ABCC6: variants seen among roughly 807,000 people sequenced by gnomAD.
The protein encoded by ABCC6 is ATP-binding cassette sub-family C member 6.
ABCC6 carries 126 observed loss-of-function variants against 169.5 expected under a neutral mutation model. The observed-to-expected ratio is 0.74, with a 90% CI of 0.64 to 0.86. ABCC6 has a LOEUF of 0.86. ABCC6 is among the 40% of genes least tolerant of loss of function. The pLI, the probability that ABCC6 is intolerant of heterozygous loss-of-function variation, is 0.00. For missense variants in ABCC6, 1,733 were observed against 1,927.2 expected (o/e 0.90, Z 1.89); for synonymous variants, 752 against 814.7 (o/e 0.92, Z 1.31).
intron 4 of ABCC6, among the ~76,000 whole-genome samples, chr16:16,217,737 C>T (rs1001090987): frequency 1.3e-5 from 2 of 152,142 alleles, no homozygotes; most frequent in African/African-American, 4.8e-5. Context: ...CCCACCATTT[C>T]AGAAATTACT....
chr16:16,150,743 G>T lies in ABCC6; in HGVS notation c.4238C>A (p.Ala1413Glu). The T allele has an allele frequency of 6.2e-7, 1 of 1,613,858 alleles. No individual in the cohort carries two copies. Among genetic ancestry groups the T allele is most frequent in the Non-Finnish European group, 8.5e-7 (1 of 1,179,950 alleles). ...CTGGGTCTTCCGGAGAAGGGCACGT[G>T]CCAGACACAGGAGCTGTTTCTGGCC... ...SVGQKQLLCLARALLRKTQIL... is the reference protein window; with the variant it reads ...SVGQKQLLCLERALLRKTQIL... The change falls in exon 30 of 31, where the codon GCA becomes GAA. Residue 1413 changes from alanine (A) to glutamate (E), a missense_variant. Around this residue, in one of 5 missense-constraint regions of ABCC6, gnomAD observed 1,601 missense variants for 1,635.5 expected, o/e 0.98. Coordinates refer to ENST00000205557, the MANE Select transcript of ABCC6 (RefSeq NM_001171.6).
chr16:16,165,640 G>T lies in ABCC6; in HGVS notation c.3289C>A (p.Leu1097Ile), dbSNP rs60707953. 2.1e-3 allele frequency: 3,388 copies of T among 1,613,216 alleles called. 37 individuals carry two copies. In the African/African-American group the frequency reaches 0.025, roughly 12 times the overall value. ...CTCCGTACCTGAAACCCAGCGTAGA[G>T]GAGAAACAGTGGCAGGATGGCCACA... ...ATVAILPLFL[L>I]YAGFQSLYVV... Residue 1097 changes from leucine to isoleucine, a missense_variant, in exon 23 of 31, where the codon CTC becomes ATC. Around this residue, in one of 5 missense-constraint regions of ABCC6, gnomAD observed 1,601 missense variants for 1,635.5 expected, o/e 0.98. Transcript: ENST00000205557.
Position 16,182,578 on chromosome 16 carries a change from G to A in ABCC6, c.2081C>T (p.Ala694Val), listed in dbSNP as rs199951066. 4.3e-6 allele frequency: 7 copies of A among 1,612,314 alleles called. No homozygotes were observed. In the South Asian group the frequency reaches 5.5e-5, roughly 13 times the overall value. ...EGFVSIEGAV[A>V]YVPQEAWVQN... ...CACCCAGGCCTCCTGGGGCACGTAG[G>A]CCACAGCACCCTAAAACACAACTTA... The change falls in exon 17 of 31, where the codon GCC becomes GTC. Residue 694 changes from alanine to valine, a missense_variant. This residue lies in a region of ABCC6 where 1,601 missense variants were observed against 1,635.5 expected (regional missense o/e 0.98). Coordinates refer to ENST00000205557, the MANE Select transcript of ABCC6 (RefSeq NM_001171.6).
intron 13 of ABCC6, among the ~76,000 whole-genome samples, chr16:16,187,907 T>TAAAATAAATAAA (rs1407043789): frequency 2.3e-5 from 2 of 86,238 alleles, no homozygotes; most frequent in Admixed American, 1.1e-4. Flanking sequence ...AATAAATAAA[T>TAAAATAAATAAA]TAAATAAATA....
In ABCC6 at chr16:16,165,888, G is replaced by A. The variant is rs150583228; in HGVS notation, c.3041C>T (p.Ala1014Val). 1 of 1,613,132 alleles carries A rather than the reference G, an allele frequency of 6.2e-7. No individual in the cohort carries two copies. The highest frequency in any genetic ancestry group is 8.5e-7 in the Non-Finnish European group (1 of 1,179,994). The change falls in exon 23 of 31, where the codon GCC (alanine) becomes GTC (valine). Residue 1014 changes from alanine to valine, a missense_variant. Coordinates refer to ENST00000205557, the MANE Select transcript of ABCC6 (RefSeq NM_001171.6). ...ASMAAVLLGG[A>V]RASRLLFQRL... ...CTGGAAGAGCAACCTGGATGCCCGGGCCCCACCTAGGAGCACCGCAGCCAT... is the reference window on the plus strand; with the variant it reads ...CTGGAAGAGCAACCTGGATGCCCGGACCCCACCTAGGAGCACCGCAGCCAT...
In ABCC6 at chr16:16,157,849, C is replaced by T. The variant is rs752924031; in HGVS notation, c.3736-40G>A. ...GAAACTGAGTCAGAGGAGCCTTCCT[C>T]TAAGACTTCACACAAGATGGCCCAC... On this transcript the variant is annotated intron_variant, in intron 26 of 30. Transcript: ENST00000205557. 1.3e-5 allele frequency: 21 copies of T among 1,591,570 alleles called. No individual in the cohort carries two copies. The Admixed American group carries it at 1.5e-4, about 12-fold the overall frequency.
chr16:16,182,599 A>G lies in ABCC6; in HGVS notation c.2071-11T>C, dbSNP rs1222066468. On this transcript the variant is annotated splice_polypyrimidine_tract_variant and intron_variant, in intron 16 of 30. Coordinates refer to ENST00000205557, the MANE Select transcript of ABCC6 (RefSeq NM_001171.6). ...GTAGGCCACAGCACCCTAAAACACA[A>G]CTTACTTTGGTCACAGGAGGATGAT... 2 of 1,610,852 alleles carry G rather than the reference A, an allele frequency of 1.2e-6. No individual in the cohort carries two copies. Among genetic ancestry groups the G allele is most frequent in the East Asian group, 2.2e-5 (1 of 44,754 alleles).
intron 7 of ABCC6, among the ~76,000 whole-genome samples, chr16:16,206,396 G>A (rs1333078606): frequency 1.5e-4 from 23 of 152,042 alleles, no homozygotes; most frequent in African/African-American, 4.3e-4. Context: ...AGGCCAATGC[G>A]GGCGAATCAC....
Position 16,150,096 on chromosome 16 carries a change from G to T in ABCC6, c.*37C>A. On this transcript the variant is annotated 3_prime_UTR_variant, in exon 31 of 31. Transcript: ENST00000205557. ...CCATCTCCAGCACTGCAGGCTGTGCGGGCTGGTCCAACTGGGGTACGGTTG... is the reference window on the plus strand; with the variant it reads ...CCATCTCCAGCACTGCAGGCTGTGCTGGCTGGTCCAACTGGGGTACGGTTG... 1.2e-6 allele frequency: 2 copies of T among 1,610,626 alleles called. No homozygotes were observed. The highest frequency in any genetic ancestry group is 1.7e-6 in the Non-Finnish European group (2 of 1,179,460).
At chr16:16,198,369 A>T (rs2048125294) in intron 9 of ABCC6, among the ~76,000 whole-genome samples, 187 bp from the exon 10 acceptor site, 1 of 152,202 alleles carries the variant, frequency 6.6e-6, no homozygotes. Context: ...ATCCTCCAAG[A>T]TCCCTAAAGC....
At chr16:16,155,320 C>T in intron 27 of ABCC6, 1 of 540,170 alleles carries the variant, frequency 1.9e-6, no homozygotes, top group Non-Finnish European at 3.3e-6. Context: ...CTATTTACAC[C>T]TCTCCATCAT....
At chr16:16,183,159 C>T (rs978018042) in intron 15 of ABCC6, among the ~76,000 whole-genome samples, 4 of 152,288 alleles carry the variant, frequency 2.6e-5, no homozygotes, top group East Asian at 1.9e-4. Context: ...CACATTTGCA[C>T]ACTCATACAA....
intron 19 of ABCC6, 77 bp downstream of exon 19, chr16:16,177,375 C>CA: frequency 6.4e-7 from 1 of 1,555,658 alleles, no homozygotes; most frequent in Admixed American, 1.7e-5. Flanking sequence ...CCATTCATGC[C>CA]AGTAGGACCC....
chr16:16,186,883 T>C (rs1419370566), intron 14 of ABCC6, among the ~76,000 whole-genome samples: 1 of 152,102 alleles, frequency 6.6e-6, no homozygotes, highest in Non-Finnish European at 1.5e-5. Context: ...GTGTTCCCTG[T>C]TGTACACCCA....
intron 15 of ABCC6, among the ~76,000 whole-genome samples, chr16:16,184,554 G>A (rs2047585985): frequency 6.6e-6 from 1 of 152,190 alleles, no homozygotes; most frequent in Admixed American, 6.5e-5. Flanking sequence ...CAAAGACCAA[G>A]CGATAGAGTT....
Position 16,178,912 on chromosome 16 carries a change from T to C in ABCC6, c.2301A>G (p.Val767=). 6.2e-7 allele frequency: 1 copy of C among 1,613,694 alleles called. No homozygotes were observed. Residue 767 remains valine, a synonymous_variant, in exon 18 of 31, where the codon GTA becomes GTG. Transcript: ENST00000205557. ...QKQRLSLARA[V]YRKAAVYLLD... ...GCAGGTACACAGCTGCCTTTCTGTATACAGCCCGGGCCAGGCTCAGCCGCT... is the reference window on the plus strand; with the variant it reads ...GCAGGTACACAGCTGCCTTTCTGTACACAGCCCGGGCCAGGCTCAGCCGCT...
At chr16:16,182,290 T>C in intron 17 of ABCC6, 122 bp downstream of exon 17, 1 of 1,316,712 alleles carries the variant, frequency 7.6e-7, no homozygotes, top group Non-Finnish European at 1.1e-6. Context: ...GAGCCCTTTT[T>C]CTCCGCTACT....
chr16:16,201,043 T>C (rs2048220789), intron 9 of ABCC6, among the ~76,000 whole-genome samples: 1 of 152,200 alleles, frequency 6.6e-6, no homozygotes, highest in Non-Finnish European at 1.5e-5. Context: ...CTCAGTTCAC[T>C]GCAACCTCCA....
At position 16,150,548 on chromosome 16, in the gene ABCC6, T is replaced by C. The variant is rs754801647; in HGVS notation, c.4403+30A>G. 26 of 1,600,822 alleles carry C rather than the reference T, an allele frequency of 1.6e-5. No individual in the cohort carries two copies. In the South Asian group the frequency reaches 2.9e-4, roughly 18 times the overall value. ...CCTTCCCCCACCACTGCAGGGCTGC[T>C]GTGAGGTCAGGCCGGGGCGGGAGCC... On this transcript the variant is annotated intron_variant, in intron 30 of 30. Transcript: ENST00000205557.
Sources: allele counts gnomAD v4.1 joint callset (sites outside exome capture counted in the v4.1 genomes callset), GRCh38; gene constraint gnomAD v4.1.1; regional missense constraint gnomAD v4.1.1; transcripts MANE v1.5; gene names NCBI Gene and HGNC (gene_info 2026-07-23, HGNC 2026-07-21).